The following ADCY5 variants were observed in gnomAD, a reference collection of about 807,000 sequenced individuals.
ADCY5 encodes the protein adenylate cyclase 5.
ADCY5 carries 30 observed loss-of-function variants against 119.7 expected under a neutral mutation model. The observed-to-expected ratio is 0.25, with a 90% CI of 0.19 to 0.34. The LOEUF (loss-of-function observed/expected upper bound fraction) is 0.34. ADCY5 is among the 10% of genes least tolerant of loss of function. ADCY5 has a pLI of 1.00. For missense variants in ADCY5, 1,324 were observed against 1,775.2 expected, an observed-to-expected ratio of 0.75 and a Z score of 4.57; for synonymous variants, 753 against 762.2, an observed-to-expected ratio of 0.99 and a Z score of 0.20.
intron 1 of ADCY5, among the ~76,000 whole-genome samples, chr3:123,386,017 G>A (rs1365388392): frequency 6.6e-6 from 1 of 152,168 alleles, no homozygotes; most frequent in Non-Finnish European, 1.5e-5. Context: ...CTAAGTGACA[G>A]CGCCACAGGA....
intron 3 of ADCY5, among the ~76,000 whole-genome samples, chr3:123,346,044 T>C (rs1942534831): frequency 6.6e-6 from 1 of 152,196 alleles, no homozygotes; most frequent in African/African-American, 2.4e-5. Context: ...ATGGAGATAA[T>C]CACAGTACAG....
At chr3:123,413,106 TTC>T (rs2107626844) in intron 1 of ADCY5, among the ~76,000 whole-genome samples, 1 of 152,260 alleles carries the variant, frequency 6.6e-6, no homozygotes, top group East Asian at 1.9e-4. Context: ...CACTCCCCTG[TTC>T]TGTTTTCCCA....
At chr3:123,445,418 T>C (rs371727487) in intron 1 of ADCY5, among the ~76,000 whole-genome samples, 15 of 142,410 alleles carry the variant, frequency 1.1e-4, no homozygotes, top group African/African-American at 2.4e-4. Context: ...ACAGCTGTAA[T>C]CAGACCCTGT....
intron 3 of ADCY5, among the ~76,000 whole-genome samples, chr3:123,344,279 A>G (rs1335772704): frequency 6.6e-6 from 1 of 151,046 alleles, no homozygotes; most frequent in Non-Finnish European, 1.5e-5. Flanking sequence ...AAATACTACA[A>G]CTCTGCAGAG....
intron 12 of ADCY5, among the ~76,000 whole-genome samples, chr3:123,308,120 G>A (rs1262778325): frequency 7.5e-6 from 1 of 132,580 alleles, no homozygotes; most frequent in East Asian, 2.4e-4. Flanking sequence ...TGCAAGCTCC[G>A]CCTCCCAGGT....
At chr3:123,347,718 G>C (rs192684702) in intron 3 of ADCY5, 64 bp downstream of exon 3, 4 of 1,296,280 alleles carry the variant, frequency 3.1e-6, no homozygotes, top group Non-Finnish European at 3.2e-6. Context: ...AAAGGAAGTG[G>C]GATGTCTCCA....
At chr3:123,348,030 GTTA>G in intron 2 of ADCY5, 127 bp from the exon 3 acceptor site, 1 of 632,954 alleles carries the variant, frequency 1.6e-6, no homozygotes, top group Non-Finnish European at 2.4e-6. Flanking sequence ...GGACTCCTGG[GTTA>G]ACAGTGTGTG....
chr3:123,445,344 C>CA (rs887489761), intron 1 of ADCY5, among the ~76,000 whole-genome samples: 80 of 150,504 alleles, frequency 5.3e-4, no homozygotes, highest in Non-Finnish European at 8.9e-4. Context: ...TTGGGGCCCC[C>CA]CCCAAGGCTC....
chr3:123,370,911 AG>A (rs2107531162), intron 1 of ADCY5, among the ~76,000 whole-genome samples: 1 of 152,270 alleles, frequency 6.6e-6, no homozygotes, highest in African/African-American at 2.4e-5. Context: ...CACAAAGCCA[AG>A]GGAAGGCAGG....
chr3:123,373,828 A>G (rs1943729729), intron 1 of ADCY5, among the ~76,000 whole-genome samples: 1 of 132,138 alleles, frequency 7.6e-6, no homozygotes, highest in South Asian at 2.5e-4. Flanking sequence ...TCTGGGCTGG[A>G]GCTTTACTCC....
intron 1 of ADCY5, among the ~76,000 whole-genome samples, chr3:123,410,499 CTCTG>C (rs1234063984): frequency 1.3e-5 from 2 of 152,196 alleles, no homozygotes; most frequent in South Asian, 2.1e-4. Flanking sequence ...ACATCCTGCA[CTCTG>C]TCTGCCTTTG....
chr3:123,431,967 C>T (rs957016568), intron 1 of ADCY5, among the ~76,000 whole-genome samples: 18 of 152,172 alleles, frequency 1.2e-4, no homozygotes, highest in African/African-American at 3.1e-4. Flanking sequence ...CATTACAAAA[C>T]GCTGATGCCC....
chr3:123,401,450 G>A (rs1455658291), intron 1 of ADCY5, among the ~76,000 whole-genome samples: 2 of 152,158 alleles, frequency 1.3e-5, no homozygotes, highest in Non-Finnish European at 2.9e-5. Flanking sequence ...GTGGCTATTC[G>A]CACTTAGGAT....
At chr3:123,327,885 G>C in intron 6 of ADCY5, 126 bp from the exon 7 acceptor site, 3 of 1,150,866 alleles carry the variant, frequency 2.6e-6, no homozygotes, top group South Asian at 1.5e-5. Flanking sequence ...CCCAAGCTCT[G>C]CTCAAATCCT....
At chr3:123,388,092 C>A in intron 1 of ADCY5, among the ~76,000 whole-genome samples, 1 of 152,008 alleles carries the variant, frequency 6.6e-6, no homozygotes, top group East Asian at 1.9e-4. Flanking sequence ...GGGGGGAAGC[C>A]AGTATTTTGG....
At chr3:123,353,932 T>G (rs902043581) in intron 1 of ADCY5, among the ~76,000 whole-genome samples, 2 of 152,150 alleles carry the variant, frequency 1.3e-5, no homozygotes, top group African/African-American at 2.4e-5. Context: ...TCTTTCCTAT[T>G]TCAGGCTCTC....
At chr3:123,386,955 A>C (rs535670759) in intron 1 of ADCY5, among the ~76,000 whole-genome samples, 4 of 152,338 alleles carry the variant, frequency 2.6e-5, no homozygotes, top group African/African-American at 9.6e-5. Flanking sequence ...GACCCAGCAC[A>C]GCTCATGCAA....
intron 3 of ADCY5, among the ~76,000 whole-genome samples, chr3:123,337,998 C>T (rs151214319): frequency 4.6e-5 from 7 of 152,300 alleles, no homozygotes; most frequent in East Asian, 1.9e-4. Flanking sequence ...CCCCAGCAGA[C>T]GCTCCCAGCC....
chr3:123,361,233 T>C (rs1464158273), intron 1 of ADCY5, among the ~76,000 whole-genome samples: 1 of 152,110 alleles, frequency 6.6e-6, no homozygotes, highest in East Asian at 1.9e-4. Context: ...GGGCACACTC[T>C]CCAGGGAACT....
Sources: allele counts gnomAD v4.1 joint callset (sites outside exome capture counted in the v4.1 genomes callset), GRCh38; gene constraint gnomAD v4.1.1; transcripts MANE v1.5; gene names NCBI Gene and HGNC (gene_info 2026-07-23, HGNC 2026-07-21).